ANO1: variants seen among roughly 807,000 people sequenced by gnomAD.
ANO1 encodes the protein anoctamin-1.
A neutral mutation model predicts 124.0 loss-of-function variants in ANO1; 59 were observed. The ratio of observed to expected loss-of-function variants is 0.48; its 90% CI spans 0.39 to 0.59. The LOEUF is 0.59. Among genes scored for constraint, ANO1 ranks in the 20% least tolerant of loss-of-function variants. ANO1 has a pLI of 0.00. For synonymous variants in ANO1, 529 were observed against 532.0 expected (o/e 0.99, Z 0.08); for missense variants, 1,059 against 1,328.0 (o/e 0.80, Z 3.15).
chr11:70,168,857 G>T (rs977213958), intron 21 of ANO1, among the ~76,000 whole-genome samples: 1 of 152,114 alleles, frequency 6.6e-6, no homozygotes, highest in Non-Finnish European at 1.5e-5. Context: ...CACATATGTC[G>T]CTCCTGGCTC....
At position 70,152,433 on chromosome 11, in the gene ANO1, T is replaced by C; in HGVS notation, c.1342-17T>C. The stretch of plus-strand genomic sequence containing the variant: ...ACATCTTTGTGTTTTTGTTTTTACT[T>C]TTCTGGTTCCCTGAAGGAGGCTGTC... On this transcript the variant is annotated splice_polypyrimidine_tract_variant and intron_variant, in intron 12 of 25. Coordinates refer to ENST00000355303, the MANE Select transcript of ANO1 (RefSeq NM_018043.7). 6.2e-7 allele frequency: 1 copy of C among 1,611,970 alleles called. No individual in the cohort carries two copies.
At chr11:70,184,989 A>G (rs573870603) in intron 24 of ANO1, among the ~76,000 whole-genome samples, 1 of 152,244 alleles carries the variant, frequency 6.6e-6, no homozygotes, top group East Asian at 1.9e-4. Flanking sequence ...CTGAGATTAC[A>G]GTGCTGAGGT....
intron 23 of ANO1, among the ~76,000 whole-genome samples, chr11:70,180,605 T>C (rs541443837): frequency 6.6e-6 from 1 of 152,000 alleles, no homozygotes; most frequent in South Asian, 2.1e-4. Flanking sequence ...TTCTCCACCA[T>C]GCCCACCTTC....
chr11:70,113,869 C>A (rs1013110050), intron 7 of ANO1, among the ~76,000 whole-genome samples: 2 of 152,036 alleles, frequency 1.3e-5, no homozygotes, highest in Non-Finnish European at 2.9e-5. Context: ...TCACACAGCC[C>A]CTTTGGAGGA....
At chr11:69,976,562 A>AGT in the ANO1 span, among the ~76,000 whole-genome samples, 1 of 141,370 alleles carries the variant, frequency 7.1e-6, no homozygotes. Flanking sequence ...AAAGAGAGAG[A>AGT]GAGAGAGATT....
chr11:70,116,654 C>T lies in ANO1; in HGVS notation c.897+155C>T, dbSNP rs986946315. On this transcript the variant is annotated intron_variant, in intron 8 of 25. Transcript: ENST00000355303. ...GCTGAGAAGCGGGTGTCCCCTCTCACCTTTTCAGGAGAAAAGTCCGTGAGC... is the reference window on the plus strand; with the variant it reads ...GCTGAGAAGCGGGTGTCCCCTCTCATCTTTTCAGGAGAAAAGTCCGTGAGC... The T allele has an allele frequency of 4.7e-6, 3 of 638,312 alleles. No homozygotes were observed. In the African/African-American group the frequency reaches 5.6e-5, roughly 12 times the overall value. 39.5% of individuals were successfully genotyped at this position (638,312 alleles called of 1,614,324 possible).
intron 1 of ANO1, chr11:70,085,497 T>A: frequency 6.5e-7 from 1 of 1,536,008 alleles, no homozygotes; most frequent in Non-Finnish European, 8.7e-7. Flanking sequence ...GTTGCTTAGT[T>A]TCAGCCTCCT....
At position 70,165,657 on chromosome 11, in the gene ANO1, G is replaced by T. The variant is rs1007261396; in HGVS notation, c.2051+87G>T. On this transcript the variant is annotated intron_variant, in intron 20 of 25. Transcript: ENST00000355303. ...GGCTCCTGCGGGGGTCTGGGTGGAC[G>T]CGGGGCCTCAACCAAGATGGGGGCA... 3 of 1,105,088 alleles carry T rather than the reference G, an allele frequency of 2.7e-6. No homozygotes were observed. The Admixed American group carries it at 6.9e-5, about 25-fold the overall frequency. 68.5% of individuals were successfully genotyped at this position (1,105,088 alleles called of 1,614,324 possible).
At chr11:69,976,921 C>G in the ANO1 span, among the ~76,000 whole-genome samples, 2 of 151,790 alleles carry the variant, frequency 1.3e-5, no homozygotes, top group Non-Finnish European at 2.9e-5. Context: ...GGGTGAACGT[C>G]ATGTTCATCC....
intron 1 of ANO1, among the ~76,000 whole-genome samples, chr11:70,029,745 G>T (rs1471028226): frequency 6.6e-6 from 1 of 152,202 alleles, no homozygotes; most frequent in Non-Finnish European, 1.5e-5. Flanking sequence ...ATGAGAGTGT[G>T]AGCAGGCCAC....
chr11:70,187,557 C>T (rs1307739473), intron 25 of ANO1, among the ~76,000 whole-genome samples, 181 bp from the exon 26 acceptor site: 1 of 152,142 alleles, frequency 6.6e-6, no homozygotes. Context: ...CAACATTTCC[C>T]AGAGGCCTGC....
intron 2 of ANO1, among the ~76,000 whole-genome samples, chr11:70,088,401 C>T (rs1414481102): frequency 6.6e-6 from 1 of 150,840 alleles, no homozygotes; most frequent in Non-Finnish European, 1.5e-5. Flanking sequence ...CCCCCCTACT[C>T]GGGAGGCTGA....
intron 1 of ANO1, among the ~76,000 whole-genome samples, chr11:70,048,234 T>A (rs1216704080): frequency 6.6e-6 from 1 of 152,250 alleles, no homozygotes; most frequent in Non-Finnish European, 1.5e-5. Context: ...CTGGTGGATT[T>A]GAATTTTTGA....
chr11:69,996,680 C>A (rs1565156640), intron 1 of ANO1, among the ~76,000 whole-genome samples: 2 of 152,128 alleles, frequency 1.3e-5, no homozygotes, highest in Non-Finnish European at 2.9e-5. Context: ...GGTCACACAG[C>A]AGTTTGGTGG....
At chr11:70,144,002 G>A (rs1010740643) in intron 11 of ANO1, among the ~76,000 whole-genome samples, 1 of 151,660 alleles carries the variant, frequency 6.6e-6, no homozygotes, top group Non-Finnish European at 1.5e-5. Context: ...CCCAACCCCA[G>A]CCCCTGGCAA....
At chr11:69,997,197 T>G (rs1198368202) in intron 1 of ANO1, among the ~76,000 whole-genome samples, 2 of 152,208 alleles carry the variant, frequency 1.3e-5, no homozygotes, top group Admixed American at 1.3e-4. Flanking sequence ...TAAGGATGGC[T>G]CCAAAGCATA....
chr11:70,052,536 T>C (rs1431279460), intron 1 of ANO1, among the ~76,000 whole-genome samples: 237 of 43,962 alleles, frequency 5.4e-3, no homozygotes, highest in Non-Finnish European at 4.1e-3. Flanking sequence ...CTTTTCTTTT[T>C]TTTTTTTTTT....
At chr11:70,142,806 C>G (rs11821292) in intron 11 of ANO1, among the ~76,000 whole-genome samples, 3,462 of 152,262 alleles carry the variant, frequency 0.023, 154 homozygotes, top group African/African-American at 0.078. Flanking sequence ...CAGACAGCCA[C>G]CTTCTCCCTG....
intron 1 of ANO1, among the ~76,000 whole-genome samples, chr11:70,046,529 T>C (rs1555005666): frequency 6.6e-6 from 1 of 152,178 alleles, no homozygotes; most frequent in Non-Finnish European, 1.5e-5. Context: ...CAAGCTTTTC[T>C]AGGAATATGG....
Sources: gnomAD v4.1 joint callset for allele counts (sites outside exome capture counted in the v4.1 genomes callset) on GRCh38, gnomAD v4.1.1 for gene constraint, MANE v1.5 for transcripts, NCBI Gene and HGNC (gene_info 2026-07-23, HGNC 2026-07-21) for gene names.